SEMA6D: variants seen among roughly 807,000 people sequenced by gnomAD.
The protein encoded by SEMA6D is semaphorin-6D.
SEMA6D carries 35 observed loss-of-function variants against 106.6 expected under a neutral mutation model. The ratio of observed to expected loss-of-function variants is 0.33; its 90% CI spans 0.25 to 0.44. The LOEUF (loss-of-function observed/expected upper bound fraction) is 0.44, where lower values mean the gene tolerates loss of function less well. Among genes scored for constraint, SEMA6D ranks in the 20% least tolerant of loss-of-function variants. The probability of loss-of-function intolerance (pLI) is 1.00; values close to 1 mark genes in which losing one functional copy is unlikely to be tolerated. For missense variants in SEMA6D, 1,185 were observed against 1,345.9 expected, an observed-to-expected ratio of 0.88 and a Z score of 1.87; for synonymous variants, 499 against 487.7, an observed-to-expected ratio of 1.02 and a Z score of -0.31.
At chr15:47,276,891 A>C (rs1324542894) in intron 1 of SEMA6D, among the ~76,000 whole-genome samples, 1 of 152,192 alleles carries the variant, frequency 6.6e-6, no homozygotes, top group Non-Finnish European at 1.5e-5. Flanking sequence ...ACCATTATAA[A>C]TGGCATAAAG....
intron 1 of SEMA6D, among the ~76,000 whole-genome samples, chr15:47,193,245 T>C (rs974392380): frequency 6.6e-6 from 1 of 152,176 alleles, no homozygotes; most frequent in East Asian, 1.9e-4. Context: ...AATACATATC[T>C]TATAAGGTTG....
At chr15:47,389,696 A>G (rs2039963526) in intron 1 of SEMA6D, among the ~76,000 whole-genome samples, 1 of 152,190 alleles carries the variant, frequency 6.6e-6, no homozygotes, top group South Asian at 2.1e-4. Context: ...AGCAACATAG[A>G]AAACCCGAAG....
At chr15:47,654,108 G>A (rs1439897114) in intron 4 of SEMA6D, among the ~76,000 whole-genome samples, 3 of 152,188 alleles carry the variant, frequency 2.0e-5, no homozygotes, top group Non-Finnish European at 4.4e-5. Context: ...AAATGAAGAA[G>A]AAAGAAGGGA....
At chr15:47,538,986 A>G (rs746530904) in intron 3 of SEMA6D, among the ~76,000 whole-genome samples, 2 of 152,196 alleles carry the variant, frequency 1.3e-5, no homozygotes, top group African/African-American at 2.4e-5. Context: ...AGGAAAAGGC[A>G]CATTAAGCTA....
At chr15:47,543,843 GA>G (rs377662578) in intron 3 of SEMA6D, among the ~76,000 whole-genome samples, 86 of 151,456 alleles carry the variant, frequency 5.7e-4, no homozygotes, top group African/African-American at 2.1e-3. Context: ...CCCAAGTGGA[GA>G]AAAAAAACCC....
chr15:47,290,707 G>A (rs2035561296), intron 1 of SEMA6D, among the ~76,000 whole-genome samples: 1 of 152,002 alleles, frequency 6.6e-6, no homozygotes, highest in African/African-American at 2.4e-5. Flanking sequence ...TATTTGAACA[G>A]TAACTGAGAC....
intron 1 of SEMA6D, among the ~76,000 whole-genome samples, chr15:47,384,100 T>G (rs973005600): frequency 6.6e-6 from 1 of 152,176 alleles, no homozygotes; most frequent in Non-Finnish European, 1.5e-5. Context: ...AAGACCAAAG[T>G]AGCAGGGTTT....
intron 2 of SEMA6D, among the ~76,000 whole-genome samples, chr15:47,455,411 T>C (rs2042318312): frequency 6.6e-6 from 1 of 151,984 alleles, no homozygotes; most frequent in Non-Finnish European, 1.5e-5. Flanking sequence ...TTTTGGAAAA[T>C]GAAACTACAT....
chr15:47,450,266 T>C (rs899884023), intron 2 of SEMA6D, among the ~76,000 whole-genome samples: 10 of 152,170 alleles, frequency 6.6e-5, no homozygotes, highest in African/African-American at 2.4e-4. Flanking sequence ...AATTTCCTTC[T>C]TTTCGTGCAT....
intron 9 of SEMA6D, 148 bp downstream of exon 9, chr15:47,763,252 C>T (rs2082159167): frequency 3.7e-6 from 2 of 543,394 alleles, no homozygotes; most frequent in Non-Finnish European, 6.4e-6. Flanking sequence ...GGTTGCTTAT[C>T]ATGAGAATAA....
intron 1 of SEMA6D, among the ~76,000 whole-genome samples, chr15:47,320,711 T>C (rs533421106): frequency 1.3e-5 from 2 of 152,328 alleles, no homozygotes; most frequent in Middle Eastern, 3.4e-3. Flanking sequence ...GAAAATAATT[T>C]CACTTTATCC....
intron 1 of SEMA6D, among the ~76,000 whole-genome samples, chr15:47,322,726 T>G (rs1472344775): frequency 6.6e-6 from 1 of 152,176 alleles, no homozygotes; most frequent in Non-Finnish European, 1.5e-5. Flanking sequence ...TAACATCCTA[T>G]TTCTCCTCAA....
At chr15:47,537,073 C>A (rs963007503) in intron 3 of SEMA6D, among the ~76,000 whole-genome samples, 2 of 152,178 alleles carry the variant, frequency 1.3e-5, no homozygotes, top group Admixed American at 6.5e-5. Context: ...GCCAGTGATT[C>A]TCTTAGAAGA....
chr15:47,407,394 CAA>C (rs2040618825), intron 1 of SEMA6D, among the ~76,000 whole-genome samples: 1 of 83,558 alleles, frequency 1.2e-5, no homozygotes, highest in Non-Finnish European at 2.8e-5. Flanking sequence ...AAAACCAAAA[CAA>C]CAACAACAAC....
In SEMA6D at chr15:47,761,815, A is replaced by G. The variant is rs1597051898; in HGVS notation, c.538+64A>G. ...ACATTGAAGGTGAAAAAGGAATTTA[A>G]TGGAAGAGTAAAAGTTAATAACTTG... On this transcript the variant is annotated intron_variant, in intron 7 of 18. Coordinates refer to ENST00000536845, the MANE Select transcript of SEMA6D (RefSeq NM_001358351.3). 6 of 1,345,784 alleles carry G rather than the reference A, an allele frequency of 4.5e-6. No individual in the cohort carries two copies. In the East Asian group the frequency reaches 1.4e-4, roughly 31 times the overall value. The allele number at this position is 1,345,784 out of a possible 1,614,324, so 83.4% of individuals were successfully genotyped here. A position where few individuals can be genotyped will look rare whatever the true frequency, so the allele number is the denominator to read the frequency against.
chr15:47,625,133 T>A (rs1359748905), intron 4 of SEMA6D, among the ~76,000 whole-genome samples: 2 of 152,110 alleles, frequency 1.3e-5, no homozygotes, highest in Non-Finnish European at 2.9e-5. Context: ...AAGTTAAGAT[T>A]CTGGTTGACA....
intron 1 of SEMA6D, among the ~76,000 whole-genome samples, chr15:47,371,977 G>A (rs745918073): frequency 2.0e-5 from 3 of 152,204 alleles, no homozygotes; most frequent in African/African-American, 4.8e-5. Context: ...GTCACACAAC[G>A]TGTTAGTAGT....
chr15:47,753,896 T>G (rs2081578354), intron 1 of SEMA6D, among the ~76,000 whole-genome samples: 2 of 152,166 alleles, frequency 1.3e-5, no homozygotes, highest in Non-Finnish European at 2.9e-5. Flanking sequence ...TAGTGGCATC[T>G]TGGGATGAGA....
intron 1 of SEMA6D, among the ~76,000 whole-genome samples, chr15:47,195,159 A>T (rs149538235): frequency 4.0e-4 from 61 of 152,226 alleles, no homozygotes; most frequent in African/African-American, 1.3e-3. Context: ...CTTTCCCTTG[A>T]GTGTTAAGTG....
Sources: allele counts gnomAD v4.1 joint callset (sites outside exome capture counted in the v4.1 genomes callset), GRCh38; gene constraint gnomAD v4.1.1; transcripts MANE v1.5; gene names NCBI Gene and HGNC (gene_info 2026-07-23, HGNC 2026-07-21).